The following HECW1 variants were observed in gnomAD, a reference collection of about 807,000 sequenced individuals.
HECW1 encodes the protein HECT, C2 and WW domain containing E3 ubiquitin protein ligase 1.
A neutral mutation model predicts 182.3 loss-of-function variants in HECW1; 61 were observed. The ratio of observed to expected loss-of-function variants is 0.33; its 90% CI spans 0.27 to 0.41. The LOEUF (loss-of-function observed/expected upper bound fraction) is 0.41. Ranked by LOEUF, HECW1 falls within the 10% of genes least tolerant of loss-of-function variation. The probability of loss-of-function intolerance (pLI) is 1.00; values close to 1 mark genes in which losing one functional copy is unlikely to be tolerated. For missense variants in HECW1, 1,739 were observed against 2,108.9 expected, an observed-to-expected ratio of 0.82 and a Z score of 3.44; for synonymous variants, 859 against 832.6, an observed-to-expected ratio of 1.03 and a Z score of -0.55.
At chr7:43,210,145 A>ACTGCCTG (rs1795875593) in intron 2 of HECW1, among the ~76,000 whole-genome samples, 1 of 152,126 alleles carries the variant, frequency 6.6e-6, no homozygotes, top group African/African-American at 2.4e-5. Context: ...TCCTTCCCAC[A>ACTGCCTG]GAAGGATCCC....
At chr7:43,521,216 G>A (rs532162524) in intron 24 of HECW1, among the ~76,000 whole-genome samples, 15 of 152,320 alleles carry the variant, frequency 9.8e-5, no homozygotes, top group South Asian at 2.1e-4. Flanking sequence ...GTGATTAAAC[G>A]ATGAGGGCAG....
intron 5 of HECW1, among the ~76,000 whole-genome samples, chr7:43,354,770 A>G (rs572895261): frequency 6.6e-6 from 1 of 152,324 alleles, no homozygotes; most frequent in African/African-American, 2.4e-5. Flanking sequence ...ACACTTCCCA[A>G]AACTTGAGAA....
intron 26 of HECW1, 141 bp from the exon 27 acceptor site, chr7:43,550,304 A>G: frequency 1.1e-6 from 1 of 891,524 alleles, no homozygotes; most frequent in Non-Finnish European, 1.7e-6. Context: ...TTTAGCAAGG[A>G]AAAAAGACTC....
intron 6 of HECW1, among the ~76,000 whole-genome samples, chr7:43,370,487 A>G (rs1177703281): frequency 6.6e-6 from 1 of 152,230 alleles, no homozygotes; most frequent in African/African-American, 2.4e-5. Flanking sequence ...TGATTCAGCA[A>G]TCTCACTCCT....
chr7:43,509,760 C>T lies in HECW1; in HGVS notation c.4019+639C>T, dbSNP rs146763417. The T allele has an allele frequency of 5.5e-3, 842 of 152,384 alleles. 8 individuals are homozygous for T. Among genetic ancestry groups the T allele is most frequent in the African/African-American group, 0.019 (800 of 41,570 alleles). 9.4% of individuals were successfully genotyped at this position (152,384 alleles called of 1,614,324 possible). On this transcript the variant is annotated intron_variant, in intron 24 of 29. Coordinates refer to ENST00000395891, the MANE Select transcript of HECW1 (RefSeq NM_015052.5). ...CTGGGATGCAGGCACTTTCCTGCTG[C>T]ATCACCACATGCCTGATTTGAAAAT...
intron 2 of HECW1, among the ~76,000 whole-genome samples, chr7:43,194,845 C>G (rs759730603): frequency 4.6e-5 from 7 of 152,076 alleles, no homozygotes; most frequent in Non-Finnish European, 7.4e-5. Context: ...AGGCGCCTGC[C>G]CCCACACCTG....
chr7:43,118,761 T>TC (rs879682005), intron 2 of HECW1, among the ~76,000 whole-genome samples: 4 of 152,082 alleles, frequency 2.6e-5, no homozygotes, highest in Non-Finnish European at 5.9e-5. Context: ...CAGCTTTATT[T>TC]CCCCCTGCCT....
intron 2 of HECW1, among the ~76,000 whole-genome samples, chr7:43,194,963 G>A (rs925437798): frequency 1.3e-5 from 2 of 152,110 alleles, no homozygotes; most frequent in East Asian, 1.9e-4. Context: ...CAAAGTGCTG[G>A]GATTACAGGC....
intron 29 of HECW1, among the ~76,000 whole-genome samples, chr7:43,557,273 C>T (rs1217116426): frequency 6.6e-6 from 1 of 152,158 alleles, no homozygotes; most frequent in East Asian, 1.9e-4. Context: ...GGCCTGCACT[C>T]TGGGAGAGGC....
chr7:43,139,399 C>T (rs1309927114), intron 2 of HECW1, among the ~76,000 whole-genome samples: 1 of 152,212 alleles, frequency 6.6e-6, no homozygotes, highest in Admixed American at 6.5e-5. Flanking sequence ...AAAAGACCCC[C>T]TGCATAGAGG....
At chr7:43,477,302 A>G (rs1235314913) in intron 16 of HECW1, among the ~76,000 whole-genome samples, 1 of 152,224 alleles carries the variant, frequency 6.6e-6, no homozygotes, top group African/African-American at 2.4e-5. Context: ...ACTTTAACCA[A>G]GTAATTAATT....
intron 13 of HECW1, among the ~76,000 whole-genome samples, chr7:43,458,149 A>C (rs2077465312): frequency 6.6e-6 from 1 of 152,230 alleles, no homozygotes; most frequent in Admixed American, 6.5e-5. Flanking sequence ...AGACACAGTA[A>C]GCTCATCTTA....
chr7:43,167,185 A>G lies in HECW1; in HGVS notation c.-32+52794A>G, dbSNP rs541690926. Among the ~76,000 whole-genome samples, 7 of 152,240 alleles carry G rather than the reference A, an allele frequency of 4.6e-5. No homozygotes were observed. The East Asian group carries it at 1.2e-3, about 25-fold the overall frequency. On this transcript the variant is annotated intron_variant, in intron 2 of 29. Coordinates refer to ENST00000395891, the MANE Select transcript of HECW1 (RefSeq NM_015052.5). ...GCCATGCTCCCTTCAAAGGCCCTAGAGGAGGATCCTCCCCTATCCTCTTCC... is the reference window on the plus strand; with the variant it reads ...GCCATGCTCCCTTCAAAGGCCCTAGGGGAGGATCCTCCCCTATCCTCTTCC...
At chr7:43,390,314 G>A (rs1243070480) in intron 6 of HECW1, among the ~76,000 whole-genome samples, 1 of 152,022 alleles carries the variant, frequency 6.6e-6, no homozygotes. Context: ...CAAAGCAAGA[G>A]GATCACTGGA....
chr7:43,285,652 A>T (rs1250959051), intron 3 of HECW1, among the ~76,000 whole-genome samples: 1 of 152,106 alleles, frequency 6.6e-6, no homozygotes, highest in East Asian at 1.9e-4. Context: ...TTTATTAAAA[A>T]ATTTTTAAAA....
intron 2 of HECW1, among the ~76,000 whole-genome samples, chr7:43,213,509 G>A (rs367595685): frequency 9.1e-5 from 13 of 143,402 alleles, no homozygotes; most frequent in African/African-American, 1.8e-4. Flanking sequence ...GTAGTGGCGT[G>A]ATCTCGGCTC....
chr7:43,219,257 G>A (rs1195422799), intron 2 of HECW1, among the ~76,000 whole-genome samples: 1 of 152,144 alleles, frequency 6.6e-6, no homozygotes, highest in Admixed American at 6.5e-5. Context: ...GCCTGCATTT[G>A]CATATCAAAG....
intron 2 of HECW1, among the ~76,000 whole-genome samples, chr7:43,141,089 A>G (rs887030433): frequency 6.6e-6 from 1 of 152,216 alleles, no homozygotes; most frequent in African/African-American, 2.4e-5. Context: ...ACAGACATTC[A>G]GTTCATAACA....
chr7:43,509,209 GT>G, intron 24 of HECW1, 88 bp downstream of exon 24: 2 of 1,288,120 alleles, frequency 1.6e-6, no homozygotes, highest in Non-Finnish European at 2.2e-6. Flanking sequence ...AGGCCACTGT[GT>G]TTAGAGCAGT....
Sources: gnomAD v4.1 joint callset for allele counts (sites outside exome capture counted in the v4.1 genomes callset) on GRCh38, gnomAD v4.1.1 for gene constraint, MANE v1.5 for transcripts, NCBI Gene and HGNC (gene_info 2026-07-23, HGNC 2026-07-21) for gene names.